PIP5K1B: variants seen among roughly 807,000 people sequenced by gnomAD.
PIP5K1B encodes the protein phosphatidylinositol 4-phosphate 5-kinase type-1 beta.
Under a neutral mutation model 67.0 loss-of-function variants are expected in PIP5K1B, and 42 were observed. The observed-to-expected ratio is 0.63, with a 90% CI of 0.49 to 0.81. PIP5K1B has a LOEUF of 0.81. Among genes scored for constraint, PIP5K1B ranks in the 30% least tolerant of loss-of-function variants. The pLI, the probability that PIP5K1B is intolerant of heterozygous loss-of-function variation, is 0.00. For synonymous variants in PIP5K1B, 214 were observed against 231.4 expected, an observed-to-expected ratio of 0.92 and a Z score of 0.68; for missense variants, 459 against 646.3, an observed-to-expected ratio of 0.71 and a Z score of 3.14.
At position 68,844,716 on chromosome 9, in the gene PIP5K1B, G is replaced by A. The variant is rs1482572784; in HGVS notation, c.70-19121G>A. 2.0e-5 allele frequency among the ~76,000 whole-genome samples: 3 copies of A among 152,172 alleles called. No individual in the cohort carries two copies. In the East Asian group the frequency reaches 5.8e-4, roughly 29 times the overall value. Reference sequence around the variant, plus strand: ...AACAATTTAATAACGCTCTCTCAGAGTTCAAGAGAAAAGGACTAAACAGAA... The same window carrying A: ...AACAATTTAATAACGCTCTCTCAGAATTCAAGAGAAAAGGACTAAACAGAA... On this transcript the variant is annotated intron_variant, in intron 4 of 15. Transcript: ENST00000265382.
chr9:68,815,181 T>G (rs1833374665), intron 2 of PIP5K1B, among the ~76,000 whole-genome samples: 1 of 151,684 alleles, frequency 6.6e-6, no homozygotes, highest in Non-Finnish European at 1.5e-5. Flanking sequence ...GGAAGTTAAT[T>G]AAAAAGAACA....
chr9:68,792,263 T>G (rs1832015857), intron 2 of PIP5K1B, among the ~76,000 whole-genome samples: 1 of 152,128 alleles, frequency 6.6e-6, no homozygotes, highest in East Asian at 1.9e-4. Flanking sequence ...CACATTATAG[T>G]TACGCAAATT....
At chr9:68,933,503 C>T (rs1439932473) in intron 12 of PIP5K1B, among the ~76,000 whole-genome samples, 2 of 151,838 alleles carry the variant, frequency 1.3e-5, no homozygotes, top group Non-Finnish European at 2.9e-5. Flanking sequence ...TCAGTTTAAC[C>T]AGAAAACAGA....
intron 15 of PIP5K1B, among the ~76,000 whole-genome samples, chr9:69,000,979 C>T (rs1830799652): frequency 6.6e-6 from 1 of 151,708 alleles, no homozygotes; most frequent in Non-Finnish European, 1.5e-5. Context: ...CTCACTGCAA[C>T]CTCCACCTCC....
At chr9:68,952,643 G>C (rs889751101) in intron 14 of PIP5K1B, among the ~76,000 whole-genome samples, 1 of 151,856 alleles carries the variant, frequency 6.6e-6, no homozygotes, top group Non-Finnish European at 1.5e-5. Context: ...AGATTAACTA[G>C]TATAGAATTC....
intron 12 of PIP5K1B, among the ~76,000 whole-genome samples, chr9:68,926,938 CA>C (rs1458832708): frequency 4.6e-5 from 7 of 152,172 alleles, no homozygotes; most frequent in Non-Finnish European, 1.0e-4. Flanking sequence ...AGTCACTCCC[CA>C]TTCCGTCCTC....
In PIP5K1B at chr9:68,984,860, T is replaced by C. The variant is rs1363898319; in HGVS notation, c.1503-6280T>C. ...GCGTACACTACTTTTGTTTCTGCAA[T>C]GACAAATTTCTAAAATGTTAGCAGC... On this transcript the variant is annotated intron_variant, in intron 14 of 15. Coordinates refer to ENST00000265382, the MANE Select transcript of PIP5K1B (RefSeq NM_003558.4). Among the ~76,000 whole-genome samples, 7 of 152,342 alleles carry C rather than the reference T, an allele frequency of 4.6e-5. No individual in the cohort carries two copies. The South Asian group carries it at 1.0e-3, about 23-fold the overall frequency.
intron 14 of PIP5K1B, among the ~76,000 whole-genome samples, chr9:68,974,811 G>A (rs1829555108): frequency 6.6e-6 from 1 of 152,122 alleles, no homozygotes; most frequent in Admixed American, 6.5e-5. Flanking sequence ...TTTCTAATCT[G>A]TTTTCATATT....
intron 4 of PIP5K1B, among the ~76,000 whole-genome samples, chr9:68,852,820 G>T (rs1022615557): frequency 4.6e-5 from 7 of 152,152 alleles, no homozygotes; most frequent in African/African-American, 1.7e-4. Flanking sequence ...CCTGACAAAG[G>T]CAAGTGGATT....
chr9:68,867,033 C>T (rs191082036), intron 5 of PIP5K1B, among the ~76,000 whole-genome samples: 5 of 152,260 alleles, frequency 3.3e-5, no homozygotes, highest in Admixed American at 3.3e-4. Context: ...TGGACTGTCC[C>T]TTCAGGTTCG....
rs1352945637 is a variant in PIP5K1B, at chr9:68,705,261, T to C, written c.-744T>C. Among the ~76,000 whole-genome samples the C allele has an allele frequency of 6.6e-6, 1 of 151,704 alleles. No individual in the cohort carries two copies. Among genetic ancestry groups the C allele is most frequent in the African/African-American group, 2.4e-5 (1 of 41,350 alleles). On this transcript the variant is annotated 5_prime_UTR_variant, in exon 1 of 16. Transcript: ENST00000265382. The stretch of plus-strand genomic sequence containing the variant: ...GGCTCTCTCTGCGCCTCGCTCCGAC[T>C]CCGGCGCGCACCAAGCGGGAACCCG...
intron 2 of PIP5K1B, among the ~76,000 whole-genome samples, chr9:68,757,438 T>G (rs1041373124): frequency 6.6e-6 from 1 of 152,100 alleles, no homozygotes; most frequent in South Asian, 2.1e-4. Flanking sequence ...AGCTCTGGTT[T>G]ATCGTGACTG....
At chr9:68,895,490 G>A (rs897664990) in intron 8 of PIP5K1B, among the ~76,000 whole-genome samples, 2 of 152,110 alleles carry the variant, frequency 1.3e-5, no homozygotes, top group Non-Finnish European at 2.9e-5. Context: ...CTGGACGGAT[G>A]ACCCATGTTG....
At chr9:68,843,260 G>A (rs4237268) in intron 4 of PIP5K1B, 106,303 of 152,122 alleles carry the variant, frequency 0.7, 37,434 homozygotes, top group Admixed American at 0.77. Flanking sequence ...GGCAAAGACC[G>A]CTATGGCAGC....
chr9:68,797,405 C>T (rs1832355884), intron 2 of PIP5K1B, among the ~76,000 whole-genome samples: 1 of 152,166 alleles, frequency 6.6e-6, no homozygotes. Flanking sequence ...CTAGGATTCT[C>T]CAGCAAACAA....
intron 8 of PIP5K1B, among the ~76,000 whole-genome samples, chr9:68,896,643 G>C (rs565467809): frequency 2.0e-5 from 3 of 152,302 alleles, no homozygotes; most frequent in South Asian, 4.1e-4. Flanking sequence ...CCTTCAGAAA[G>C]GCTTCTCTTG....
intron 2 of PIP5K1B, among the ~76,000 whole-genome samples, chr9:68,815,268 A>AC (rs1466141102): frequency 2.1e-4 from 1 of 4,770 alleles, no homozygotes; most frequent in Admixed American, 3.5e-3. Flanking sequence ...TGGTACTATT[A>AC]AAAAAAAAAA....
rs184911431 is a variant in PIP5K1B at position 68,975,657 on chromosome 9, G to A, written c.1503-15483G>A. On this transcript the variant is annotated intron_variant, in intron 14 of 15. Transcript: ENST00000265382. The stretch of plus-strand genomic sequence containing the variant: ...TGGATGGCTTAAACAACAGAAATTT[G>A]TCTCACCGTTCTGGAGGCCAGGAGT... 9.2e-5 allele frequency among the ~76,000 whole-genome samples: 14 copies of A among 152,280 alleles called. No homozygotes were observed. The East Asian group carries it at 2.7e-3, about 29-fold the overall frequency.
rs71500336 is a variant in PIP5K1B at position 68,924,110 on chromosome 9, T to TA, written c.1201+743dup. On this transcript the variant is annotated intron_variant, in intron 12 of 15. Coordinates refer to ENST00000265382, the MANE Select transcript of PIP5K1B (RefSeq NM_003558.4). ...ATTTATAGCTATAAACTCTTACCTT[T>TA]AAAAAAAAAAAAAAAAAAAGGAGGC... Among the ~76,000 whole-genome samples the TA allele has an allele frequency of 8.4e-3, 1,053 of 125,848 alleles. 8 individuals carry two copies. The highest frequency in any genetic ancestry group is 0.013 in the African/African-American group (455 of 34,132). 82.6% of individuals were successfully genotyped at this position (125,848 alleles called of 152,430 possible). A position where few individuals can be genotyped will look rare whatever the true frequency, so the allele number is the denominator to read the frequency against.
Sources: gnomAD v4.1 joint callset for allele counts (sites outside exome capture counted in the v4.1 genomes callset) on GRCh38, gnomAD v4.1.1 for gene constraint, MANE v1.5 for transcripts, NCBI Gene and HGNC (gene_info 2026-07-23, HGNC 2026-07-21) for gene names.